Variants in RB1CC1 observed in about 807,000 individuals in gnomAD.
The protein encoded by RB1CC1 is RB1-inducible coiled-coil protein 1.
A neutral mutation model predicts 177.5 loss-of-function variants in RB1CC1; 46 were observed. The ratio of observed to expected loss-of-function variants is 0.26; its 90% CI spans 0.20 to 0.33. The LOEUF is 0.33. Among genes scored for constraint, RB1CC1 ranks in the 10% least tolerant of loss-of-function variants. The probability of loss-of-function intolerance (pLI) is 1.00; values close to 1 mark genes in which losing one functional copy is unlikely to be tolerated. For missense variants in RB1CC1, 1,703 were observed against 1,816.3 expected (o/e 0.94, Z 1.13); for synonymous variants, 666 against 613.6 (o/e 1.09, Z -1.26).
At chr8:52,662,655 G>A (rs1324033345) in intron 8 of RB1CC1, among the ~76,000 whole-genome samples, 2 of 151,960 alleles carry the variant, frequency 1.3e-5, no homozygotes, top group Non-Finnish European at 2.9e-5. Flanking sequence ...GGACAAGTGT[G>A]TCTTCCAATT....
At chr8:52,679,733 C>T (rs1055841844) in intron 5 of RB1CC1, among the ~76,000 whole-genome samples, 7 of 152,166 alleles carry the variant, frequency 4.6e-5, no homozygotes, top group African/African-American at 1.4e-4. Flanking sequence ...ACCACTATTG[C>T]AGACATTTAG....
At chr8:52,668,318 G>A (rs912301218) in intron 7 of RB1CC1, 127 bp from the exon 8 acceptor site, 22 of 1,056,846 alleles carry the variant, frequency 2.1e-5, no homozygotes, top group Middle Eastern at 3.1e-4. Flanking sequence ...AAAAGCATGG[G>A]AACTCTAAGT....
At chr8:52,644,691 T>C (rs556481644) in intron 16 of RB1CC1, among the ~76,000 whole-genome samples, 6 of 152,298 alleles carry the variant, frequency 3.9e-5, no homozygotes, top group African/African-American at 9.6e-5. Flanking sequence ...TTTCTTTCCC[T>C]AGGCCTTAAA....
chr8:52,630,961 C>G (rs534635586), intron 20 of RB1CC1, among the ~76,000 whole-genome samples: 2 of 152,322 alleles, frequency 1.3e-5, no homozygotes, highest in South Asian at 4.1e-4. Flanking sequence ...TCACAGCCGT[C>G]ACAATTGCAA....
intron 5 of RB1CC1, among the ~76,000 whole-genome samples, chr8:52,680,698 C>T (rs1209517463): frequency 6.6e-6 from 1 of 152,030 alleles, no homozygotes; most frequent in Non-Finnish European, 1.5e-5. Flanking sequence ...CATATTCGTA[C>T]AATAGAATAC....
At chr8:52,658,164 A>C in intron 13 of RB1CC1, 40 bp from the exon 14 acceptor site, 2 of 1,584,878 alleles carry the variant, frequency 1.3e-6, no homozygotes, top group Non-Finnish European at 1.7e-6. Flanking sequence ...CTGATTTTTT[A>C]ATGAACTAGT....
chr8:52,673,520 G>C (rs904362802), intron 7 of RB1CC1, among the ~76,000 whole-genome samples: 1 of 152,006 alleles, frequency 6.6e-6, no homozygotes, highest in Non-Finnish European at 1.5e-5. Context: ...GGACTTTCTG[G>C]GCAATGAAAT....
chr8:52,675,608 C>T (rs1361315405), intron 6 of RB1CC1, among the ~76,000 whole-genome samples: 2 of 151,474 alleles, frequency 1.3e-5, no homozygotes, highest in African/African-American at 4.9e-5. Flanking sequence ...CAGTGGCTCA[C>T]GCCTGTAATC....
At chr8:52,691,057 G>A (rs1563450078) in intron 1 of RB1CC1, among the ~76,000 whole-genome samples, 1 of 152,104 alleles carries the variant, frequency 6.6e-6, no homozygotes, top group Non-Finnish European at 1.5e-5. Context: ...TCAAACTACT[G>A]CCTCAATAAT....
At chr8:52,668,312 G>T in intron 7 of RB1CC1, 121 bp from the exon 8 acceptor site, 1 of 1,113,950 alleles carries the variant, frequency 9.0e-7, no homozygotes, top group Non-Finnish European at 1.2e-6. Context: ...AAAAGCAAAA[G>T]CATGGGAACT....
At chr8:52,681,243 G>A (rs1853692765) in intron 5 of RB1CC1, among the ~76,000 whole-genome samples, 1 of 151,956 alleles carries the variant, frequency 6.6e-6, no homozygotes, top group African/African-American at 2.4e-5. Flanking sequence ...TGATCCGCCT[G>A]CCTTGGCCTC....
intron 15 of RB1CC1, among the ~76,000 whole-genome samples, chr8:52,650,641 T>C (rs772302471): frequency 1.3e-5 from 2 of 151,236 alleles, no homozygotes; most frequent in East Asian, 3.9e-4. Context: ...AAAATGACTC[T>C]AGAGGAAAAA....
chr8:52,637,303 C>T (rs1194890892), intron 18 of RB1CC1, among the ~76,000 whole-genome samples: 1 of 152,022 alleles, frequency 6.6e-6, no homozygotes, highest in Admixed American at 6.6e-5. Flanking sequence ...GTATTTTTAC[C>T]TTTTTGATGC....
At chr8:52,685,594 A>G (rs968988694) in intron 2 of RB1CC1, 74 bp from the exon 3 acceptor site, 17 of 560,044 alleles carry the variant, frequency 3.0e-5, no homozygotes, top group Non-Finnish European at 5.3e-5. Flanking sequence ...ATTATGACAC[A>G]GTACAGTATT....
chr8:52,623,824 CT>C lies in RB1CC1; in HGVS notation c.4742del (p.Lys1581SerfsTer5). On this transcript the variant is annotated frameshift_variant, in exon 24 of 24. Coordinates refer to ENST00000025008, the MANE Select transcript of RB1CC1 (RefSeq NM_014781.5). LOFTEE classifies it high-confidence loss of function. ...ATGATACGGCTTTCACTCTGTAAAA[CT>C]TTGTCCCCAAAGGAACTTTAAATCT... ...QNRFKVPLGTKFYRVKAVSWN... is the reference protein window; with the variant it reads ...QNRFKVPLGTXFYRVKAVSWN... The C allele has an allele frequency of 6.2e-7, 1 of 1,609,426 alleles. No individual in the cohort carries two copies. The highest frequency in any genetic ancestry group is 8.5e-7 in the Non-Finnish European group (1 of 1,176,202).
chr8:52,695,900 C>A (rs181440266), intron 1 of RB1CC1, among the ~76,000 whole-genome samples: 5 of 152,246 alleles, frequency 3.3e-5, no homozygotes, highest in East Asian at 1.9e-4. Context: ...ATATGGGGAA[C>A]CTGTGAGTTT....
At chr8:52,682,922 C>T (rs1002364977) in intron 5 of RB1CC1, among the ~76,000 whole-genome samples, 3 of 152,016 alleles carry the variant, frequency 2.0e-5, no homozygotes, top group Admixed American at 6.6e-5. Flanking sequence ...AAGAGTTTTA[C>T]TAATTAAAGC....
chr8:52,714,181 G>C lies in RB1CC1; in HGVS notation c.-273C>G, dbSNP rs1293265426. On this transcript the variant is annotated 5_prime_UTR_variant, in exon 1 of 24. Transcript: ENST00000025008. ...GGCAGCGGTTACCAACCGCCCATTC[G>C]GCACCGCTAAGCCGACACAACCGCC... The C allele has an allele frequency of 1.2e-5, 3 of 246,372 alleles. No individual in the cohort carries two copies. The highest frequency in any genetic ancestry group is 3.2e-5 in the South Asian group (1 of 31,472). 15.3% of individuals were successfully genotyped at this position (246,372 alleles called of 1,614,324 possible).
chr8:52,660,302 GA>G (rs972926125), intron 12 of RB1CC1, among the ~76,000 whole-genome samples: 2 of 151,362 alleles, frequency 1.3e-5, no homozygotes, highest in Non-Finnish European at 3.0e-5. Flanking sequence ...AGGGTGGAAA[GA>G]AAAAAAGGAA....
Sources: gnomAD v4.1 joint callset for allele counts (sites outside exome capture counted in the v4.1 genomes callset) on GRCh38, gnomAD v4.1.1 for gene constraint, MANE v1.5 for transcripts, NCBI Gene and HGNC (gene_info 2026-07-23, HGNC 2026-07-21) for gene names.